TASP1: variants seen among roughly 807,000 people sequenced by gnomAD.
TASP1 encodes threonine aspartase 1.
A neutral mutation model predicts 56.6 loss-of-function variants in TASP1; 16 were observed. That is an observed-to-expected ratio of 0.28 (90% confidence interval 0.19 to 0.43). TASP1 has a LOEUF of 0.43. Ranked by LOEUF, TASP1 falls within the 20% of genes least tolerant of loss-of-function variation. The probability of loss-of-function intolerance (pLI) is 1.00; values close to 1 mark genes in which losing one functional copy is unlikely to be tolerated. For missense variants in TASP1, 393 were observed against 511.6 expected (o/e 0.77, Z 2.24); for synonymous variants, 179 against 184.2 (o/e 0.97, Z 0.23).
At chr20:13,414,331 G>A (rs1186756759) in intron 13 of TASP1, among the ~76,000 whole-genome samples, 1 of 152,122 alleles carries the variant, frequency 6.6e-6, no homozygotes, top group African/African-American at 2.4e-5. Context: ...CATAGCCAGA[G>A]GCACATATTG....
the TASP1 span, among the ~76,000 whole-genome samples, chr20:13,133,238 C>T: frequency 6.6e-6 from 1 of 152,286 alleles, no homozygotes; most frequent in Admixed American, 6.5e-5. Context: ...TCACCTGTTT[C>T]CTTTCCAAAA....
chr20:13,549,867 G>T (rs143580103), intron 8 of TASP1, among the ~76,000 whole-genome samples: 1 of 152,082 alleles, frequency 6.6e-6, no homozygotes, highest in East Asian at 1.9e-4. Context: ...CAAAATTTAG[G>T]AAGAATTTAC....
At chr20:13,293,593 A>G in the TASP1 span, among the ~76,000 whole-genome samples, 42 of 152,068 alleles carry the variant, frequency 2.8e-4, no homozygotes, top group Non-Finnish European at 2.4e-4. Flanking sequence ...TAATGGGGTC[A>G]GGTAAGCATC....
intron 10 of TASP1, among the ~76,000 whole-genome samples, chr20:13,492,721 C>G (rs1277922811): frequency 1.3e-5 from 2 of 152,178 alleles, no homozygotes; most frequent in Non-Finnish European, 2.9e-5. Context: ...CAACTTGTCT[C>G]ATACTTTGGT....
the TASP1 span, among the ~76,000 whole-genome samples, chr20:13,352,874 T>C: frequency 6.6e-6 from 1 of 152,196 alleles, no homozygotes; most frequent in Admixed American, 6.5e-5. Context: ...ATCATGCACC[T>C]CTGTTGTTTG....
At chr20:13,110,240 TTTACGACTCG>T in the TASP1 span, 5 of 1,602,182 alleles carry the variant, frequency 3.1e-6, no homozygotes, top group Non-Finnish European at 4.3e-6. Flanking sequence ...CAGGACACAT[TTTACGACTCG>T]GAGGCCTGCA....
Position 13,483,261 on chromosome 20 carries a change from T to G in TASP1, c.951A>C (p.Gln317His). The G allele has an allele frequency of 6.2e-7, 1 of 1,600,600 alleles. No individual in the cohort carries two copies. Among genetic ancestry groups the G allele is most frequent in the Non-Finnish European group, 8.5e-7 (1 of 1,173,026 alleles). ...SHALQAEDAH[Q>H]ALLETMQNKF... Reference sequence around the variant, plus strand: ...TGTTTTGCATAGTCTCCAACAGGGCTTGGTGAGCATCCTCAGCTTGTAAAG... The same window carrying G: ...TGTTTTGCATAGTCTCCAACAGGGCGTGGTGAGCATCCTCAGCTTGTAAAG... Residue 317 changes from glutamine to histidine, a missense_variant, in exon 11 of 14, where the codon CAA (glutamine) becomes CAC (histidine). Transcript: ENST00000337743.
intron 6 of TASP1, among the ~76,000 whole-genome samples, chr20:13,580,390 T>C (rs540169278): frequency 3.3e-4 from 50 of 152,296 alleles, no homozygotes; most frequent in African/African-American, 1.2e-3. Context: ...AAGGCTGCAG[T>C]GAGCCATGAC....
intron 4 of TASP1, among the ~76,000 whole-genome samples, chr20:13,590,221 G>A (rs1436034184): frequency 2.6e-5 from 4 of 151,888 alleles, no homozygotes; most frequent in Admixed American, 6.6e-5. Flanking sequence ...GTGACAGGGC[G>A]AGACTCTGTC....
intron 4 of TASP1, chr20:13,617,261 C>A: frequency 4.8e-6 from 1 of 208,964 alleles, no homozygotes; most frequent in South Asian, 5.6e-5. Flanking sequence ...TCAATAATAC[C>A]AAGTAAAGAA....
At chr20:13,288,957 G>A in the TASP1 span, among the ~76,000 whole-genome samples, 20 of 152,026 alleles carry the variant, frequency 1.3e-4, no homozygotes, top group Non-Finnish European at 8.8e-5. Context: ...GCTAATTTTT[G>A]TAGTTTTTTA....
the TASP1 span, among the ~76,000 whole-genome samples, chr20:13,217,499 T>G: frequency 3.9e-5 from 6 of 151,922 alleles, no homozygotes; most frequent in Admixed American, 6.5e-5. Flanking sequence ...TGTTCTGGCT[T>G]ATTAATTTCT....
chr20:13,143,919 A>G, the TASP1 span, among the ~76,000 whole-genome samples: 6 of 152,214 alleles, frequency 3.9e-5, no homozygotes, highest in East Asian at 1.2e-3. Context: ...TGGCTTCCTG[A>G]CTAGTCTTGC....
intron 1 of TASP1, among the ~76,000 whole-genome samples, chr20:13,632,375 A>G (rs998788785): frequency 2.0e-5 from 3 of 151,758 alleles, no homozygotes; most frequent in Admixed American, 6.6e-5. Flanking sequence ...AAAAAAAAAA[A>G]AAAAGAAAAA....
At chr20:13,572,555 A>G (rs2046754196) in intron 6 of TASP1, among the ~76,000 whole-genome samples, 4 of 151,864 alleles carry the variant, frequency 2.6e-5, no homozygotes. Flanking sequence ...GTGTGATGGC[A>G]CGCACCTGTA....
the TASP1 span, among the ~76,000 whole-genome samples, chr20:13,238,816 G>GC: frequency 6.6e-6 from 1 of 152,152 alleles, no homozygotes; most frequent in Middle Eastern, 3.2e-3. Context: ...CAGTTGATCA[G>GC]CCCATAGAGG....
chr20:13,546,160 T>C (rs899537437), intron 8 of TASP1, among the ~76,000 whole-genome samples: 7 of 151,698 alleles, frequency 4.6e-5, no homozygotes, highest in African/African-American at 9.7e-5. Context: ...CAATAAATGT[T>C]TGCTGGTGAT....
chr20:13,287,564 T>A, the TASP1 span, among the ~76,000 whole-genome samples: 2 of 152,208 alleles, frequency 1.3e-5, no homozygotes, highest in Non-Finnish European at 2.9e-5. Context: ...ACTCATCAAT[T>A]TCTAACATGC....
At chr20:13,155,748 C>G in the TASP1 span, among the ~76,000 whole-genome samples, 1 of 152,080 alleles carries the variant, frequency 6.6e-6, no homozygotes, top group Admixed American at 6.5e-5. Context: ...GTGGCATGAA[C>G]CTGGGAGGTG....
Sources: allele counts gnomAD v4.1 joint callset (sites outside exome capture counted in the v4.1 genomes callset), GRCh38; gene constraint gnomAD v4.1.1; transcripts MANE v1.5; gene names NCBI Gene and HGNC (gene_info 2026-07-23, HGNC 2026-07-21).